PKP3: variants seen among roughly 807,000 people sequenced by gnomAD.
PKP3 encodes the protein plakophilin 3, also known as plakophilin-3.
A neutral mutation model predicts 76.5 loss-of-function variants in PKP3; 66 were observed. That is an observed-to-expected ratio of 0.86 (90% confidence interval 0.71 to 1.06). The LOEUF (loss-of-function observed/expected upper bound fraction) is 1.06, where lower values mean the gene tolerates loss of function less well. PKP3 is among the 50% of genes least tolerant of loss of function. PKP3 has a pLI of 0.00. For synonymous variants in PKP3, 638 were observed against 516.5 expected (o/e 1.24, Z -3.19); for missense variants, 1,338 against 1,141.0 (o/e 1.17, Z -2.49).
Position 403,309 on chromosome 11 carries a change from G to A in PKP3, c.1923+46G>A, listed in dbSNP as rs759786141. The A allele has an allele frequency of 1.7e-5, 24 of 1,415,720 alleles. No homozygotes were observed. The East Asian group carries it at 2.9e-4, about 17-fold the overall frequency. The allele number at this position is 1,415,720 out of a possible 1,614,324, so 87.7% of individuals were successfully genotyped here. On this transcript the variant is annotated intron_variant, in intron 9 of 12. Transcript: ENST00000331563. ...CCGAGGGGGTCCCAGGGGTTCATGC[G>A]GTTGAGGGGGGGACAGAGGAGGGAG...
intron 10 of PKP3, 36 bp downstream of exon 10, chr11:403,807 A>G: frequency 6.2e-7 from 1 of 1,600,864 alleles, no homozygotes; most frequent in Non-Finnish European, 8.5e-7. Flanking sequence ...GCCCTGCTGG[A>G]CCCACATGTC....
chr11:396,234 G>A (rs1264085953), intron 1 of PKP3: 4 of 228,690 alleles, frequency 1.7e-5, no homozygotes, highest in South Asian at 2.1e-4. Context: ...AGTGTGGGCC[G>A]GGGCAGGCCA....
At chr11:397,813 A>C in intron 4 of PKP3, 151 bp downstream of exon 4, 1 of 713,578 alleles carries the variant, frequency 1.4e-6, no homozygotes, top group Admixed American at 2.9e-5. Context: ...TCAGCAGAGG[A>C]AGAGCAGAAG....
chr11:396,517 G>A, intron 1 of PKP3, 91 bp from the exon 2 acceptor site: 1 of 894,184 alleles, frequency 1.1e-6, no homozygotes, highest in Non-Finnish European at 1.7e-6. Context: ...TGCTCCTAGG[G>A]TTGCCAATAG....
chr11:396,811 C>T lies in PKP3; in HGVS notation c.313-3C>T. On this transcript the variant is annotated splice_region_variant and splice_polypyrimidine_tract_variant and intron_variant, in intron 2 of 12. Coordinates refer to ENST00000331563, the MANE Select transcript of PKP3 (RefSeq NM_007183.4). ...GCCCTCACCGCCCCCTCTCGACCCA[C>T]AGGGCTTCCGGCCCATCGCCAAGCC... The T allele has an allele frequency of 1.3e-6, 2 of 1,580,200 alleles. No individual in the cohort carries two copies. Among genetic ancestry groups the T allele is most frequent in the Non-Finnish European group, 1.7e-6 (2 of 1,167,558 alleles).
At chr11:403,475 A>AT in intron 9 of PKP3, 143 bp from the exon 10 acceptor site, 1 of 864,930 alleles carries the variant, frequency 1.2e-6, no homozygotes, top group Non-Finnish European at 1.8e-6. Context: ...GCTGCGGCTG[A>AT]TTCCCCCCGG....
At chr11:398,047 C>G (rs1847083289) in intron 4 of PKP3, among the ~76,000 whole-genome samples, 1 of 102,266 alleles carries the variant, frequency 9.8e-6, no homozygotes, top group Middle Eastern at 6.0e-3. Flanking sequence ...TACCCCCGCA[C>G]ACACCTGCGT....
rs1347535178 is a variant in PKP3, at chr11:397,053, G to A, written c.552G>A (p.Leu184=). Residue 184 remains leucine, a synonymous_variant, in exon 3 of 13, where the codon CTG becomes CTA. Transcript: ENST00000331563. The stretch of plus-strand genomic sequence containing the variant: ...ATGACACACTCTCCCTGCGCTCGCT[G>A]CGGCTGGGGCCCGGGGGCCTGGACG... The part of the protein sequence containing the change: ...ADYDTLSLRS[L]RLGPGGLDDR... 1 of 1,599,274 alleles carries A rather than the reference G, an allele frequency of 6.3e-7. No individual in the cohort carries two copies. The highest frequency in any genetic ancestry group is 8.5e-7 in the Non-Finnish European group (1 of 1,179,566).
At position 397,149 on chromosome 11, in the gene PKP3, G is replaced by A. The variant is rs758522542; in HGVS notation, c.648G>A (p.Glu216=). The A allele has an allele frequency of 3.1e-6, 5 of 1,597,834 alleles. No homozygotes were observed. In the South Asian group the frequency reaches 4.4e-5, roughly 14 times the overall value. The change falls in exon 3 of 13, where the codon GAG becomes GAA. Residue 216 remains glutamate (E), a synonymous_variant. Transcript: ENST00000331563. Reference sequence around the variant, plus strand: ...CCACCTACAGGGCCTTTGCGTACGAGCGCCAGGCCAGCTCCAGCTCCAGCC... The same window carrying A: ...CCACCTACAGGGCCTTTGCGTACGAACGCCAGGCCAGCTCCAGCTCCAGCC... ...ATSTYRAFAY[E]RQASSSSSRA...
rs892140977 is a variant in PKP3, at chr11:397,584, T to A, written c.990T>A (p.Ala330=). 6.8e-6 allele frequency: 11 copies of A among 1,612,012 alleles called. No individual in the cohort carries two copies. The highest frequency in any genetic ancestry group is 9.3e-6 in the Non-Finnish European group (11 of 1,179,542). The change falls in exon 4 of 13, where the codon GCT becomes GCA. Residue 330 remains alanine (A), a synonymous_variant. Transcript: ENST00000331563. The part of the protein sequence containing the change: ...DLPSAVKYLM[A]SDPNLQVLGA... ...CCTCAGCAGTCAAGTACCTCATGGCTTCAGACCCCAACCTGCAGGTGCTGG... is the reference window on the plus strand; with the variant it reads ...CCTCAGCAGTCAAGTACCTCATGGCATCAGACCCCAACCTGCAGGTGCTGG...
chr11:403,225 G>A lies in PKP3; in HGVS notation c.1885G>A (p.Ala629Thr), dbSNP rs766778646. ...CAACCGGCACACGACGGAGGCGGCC[G>A]CCGGGGCGCTGCAGAACATCACGGC... ...ELNRHTTEAA[A>T]GALQNITAGD... Residue 629 changes from alanine (A) to threonine (T), a missense_variant, in exon 9 of 13, where the codon GCC becomes ACC. Coordinates refer to ENST00000331563, the MANE Select transcript of PKP3 (RefSeq NM_007183.4). 4.4e-6 allele frequency: 7 copies of A among 1,588,104 alleles called. No homozygotes were observed. The highest frequency in any genetic ancestry group is 5.1e-6 in the Non-Finnish European group (6 of 1,170,364).
intron 4 of PKP3, 32 bp downstream of exon 4, chr11:397,694 C>G (rs1310548332): frequency 6.2e-7 from 1 of 1,601,836 alleles, no homozygotes; most frequent in African/African-American, 1.3e-5. Flanking sequence ...TCGCTGCCCC[C>G]TGGTGACCTC....
Position 400,152 on chromosome 11 carries a change from C to G in PKP3, c.1448+11C>G. 1.3e-6 allele frequency: 2 copies of G among 1,534,308 alleles called. No homozygotes were observed. Among genetic ancestry groups the G allele is most frequent in the Middle Eastern group, 2.4e-4 (1 of 4,132 alleles). On this transcript the variant is annotated intron_variant, in intron 6 of 12. Transcript: ENST00000331563. ...CACCGGCTTCCTCAGGTGCGCCAGC[C>G]TCGGGCAGCGGGGTGGGGATTGCAG...
chr11:404,080 C>G lies in PKP3; in HGVS notation c.2215C>G (p.Leu739Val). The change falls in exon 11 of 13, where the codon CTG (leucine) becomes GTG (valine). Residue 739 changes from leucine (L) to valine (V), a missense_variant. By Grantham distance (32) the Leu-to-Val change is conservative. Coordinates refer to ENST00000331563, the MANE Select transcript of PKP3 (RefSeq NM_007183.4). The surrounding 1 kb of genome is among the most constrained non-coding windows in gnomAD (Gnocchi z 4.2). ...GGCCAGCCCCATCGCTGCCCGAGAC[C>G]TGCTGTATTTTGACGGACTCCGAAA... ...VVASPIAARDLLYFDGLRKLI... is the reference protein window; with the variant it reads ...VVASPIAARDVLYFDGLRKLI... 1 of 1,612,460 alleles carries G rather than the reference C, an allele frequency of 6.2e-7. No homozygotes were observed. The highest frequency in any genetic ancestry group is 8.5e-7 in the Non-Finnish European group (1 of 1,179,740).
intron 4 of PKP3, 112 bp from the exon 5 acceptor site, chr11:398,880 G>T: frequency 3.7e-6 from 3 of 820,722 alleles, no homozygotes; most frequent in Non-Finnish European, 5.7e-6. Context: ...CTCCCTATAC[G>T]GCTGCATCCC....
intron 5 of PKP3, 98 bp from the exon 6 acceptor site, chr11:399,869 C>A: frequency 9.8e-7 from 1 of 1,019,816 alleles, no homozygotes; most frequent in Non-Finnish European, 1.4e-6. Flanking sequence ...GAACACCAGG[C>A]CAGCCCCTGG....
At position 400,544 on chromosome 11, in the gene PKP3, A is replaced by AACGC. The variant is rs1216156551; in HGVS notation, c.1577_1580dup (p.Val528ArgfsTer161). On this transcript the variant is annotated frameshift_variant, in exon 8 of 13. Coordinates refer to ENST00000331563, the MANE Select transcript of PKP3 (RefSeq NM_007183.4). LOFTEE classifies it high-confidence loss of function. ...GCGCCCCCGCCCGCAGAGCGTGGAG[A>AACGC]ACGCGGTGTGCGTCCTGCGGAACCT... 1 of 1,493,206 alleles carries AACGC rather than the reference A, an allele frequency of 6.7e-7. No homozygotes were observed. The highest frequency in any genetic ancestry group is 8.9e-7 in the Non-Finnish European group (1 of 1,128,682). 92.5% of individuals were successfully genotyped at this position (1,493,206 alleles called of 1,614,324 possible).
Position 394,268 on chromosome 11 carries a change from G to A in PKP3, c.-25G>A. On this transcript the variant is annotated 5_prime_UTR_variant, in exon 1 of 13. Coordinates refer to ENST00000331563, the MANE Select transcript of PKP3 (RefSeq NM_007183.4). ...AGTTGGGTTTGGAGGCGGCCGCCAG[G>A]CCCAGGCCCGGTGGACCTGCCGCCA... The A allele has an allele frequency of 6.7e-7, 1 of 1,485,010 alleles. No homozygotes were observed. Among genetic ancestry groups the A allele is most frequent in the Admixed American group, 2.3e-5 (1 of 43,630 alleles). The allele number at this position is 1,485,010 out of a possible 1,614,324, so 92.0% of individuals were successfully genotyped here.
At chr11:400,166 T>C (rs1847127465) in intron 6 of PKP3, 25 bp downstream of exon 6, 1 of 1,514,352 alleles carries the variant, frequency 6.6e-7, no homozygotes. Context: ...GGCAGCGGGG[T>C]GGGGATTGCA....
Sources: gnomAD v4.1 joint callset for allele counts (sites outside exome capture counted in the v4.1 genomes callset) on GRCh38, gnomAD v4.1.1 for gene constraint, Gnocchi (gnomAD v3.1) non-coding constraint, MANE v1.5 for transcripts, NCBI Gene and HGNC (gene_info 2026-07-23, HGNC 2026-07-21) for gene names.